UNC80: variants seen among roughly 807,000 people sequenced by gnomAD.
The protein encoded by UNC80 is unc-80 subunit of NALCN channel complex, also known as protein unc-80 homolog.
In UNC80, 164 loss-of-function variants were observed where a neutral mutation model predicts 384.6. That is an observed-to-expected ratio of 0.43 (90% CI 0.38 to 0.49). The LOEUF (loss-of-function observed/expected upper bound fraction) is 0.49, where lower values mean the gene tolerates loss of function less well. Ranked by LOEUF, UNC80 falls within the 20% of genes least tolerant of loss-of-function variation. The pLI, the probability that UNC80 is intolerant of heterozygous loss-of-function variation, is 0.00. For synonymous variants in UNC80, 1,486 were observed against 1,527.8 expected (o/e 0.97, Z 0.64); for missense variants, 3,330 against 4,143.0 (o/e 0.80, Z 5.39).
intron 15 of UNC80, 83 bp from the exon 16 acceptor site, chr2:209,831,360 C>T: frequency 1.4e-6 from 2 of 1,386,082 alleles, no homozygotes; most frequent in Non-Finnish European, 1.9e-6. Flanking sequence ...TCACTAATTC[C>T]TGGGTGCCAA....
intron 35 of UNC80, among the ~76,000 whole-genome samples, chr2:209,924,599 G>T (rs2090284234): frequency 6.6e-6 from 1 of 151,904 alleles, no homozygotes; most frequent in Admixed American, 6.6e-5. Flanking sequence ...CTGGGCATGT[G>T]CACAACCTTG....
In UNC80 at chr2:209,844,480, C is replaced by CTTT. The variant is rs1559185899; in HGVS notation, c.3454+2036_3454+2037insTTT. Reference sequence around the variant, plus strand: ...CTTTCTTTCTTTCTTTCTTTCTTTCCTTCCTTCCTTCCTTCCTTCCTTCCT... The same window carrying CTTT: ...CTTTCTTTCTTTCTTTCTTTCTTTCCTTTTTCCTTCCTTCCTTCCTTCCTTCCT... On this transcript the variant is annotated intron_variant, in intron 21 of 64. Coordinates refer to ENST00000673920, the MANE Select transcript of UNC80 (RefSeq NM_001371986.1). 1.6e-3 allele frequency among the ~76,000 whole-genome samples: 88 copies of CTTT among 54,054 alleles called. 3 individuals are homozygous for CTTT. The highest frequency in any genetic ancestry group is 6.6e-3 in the Admixed American group (34 of 5,164). 35.5% of individuals were successfully genotyped at this position (54,054 alleles called of 152,430 possible). A position where few individuals can be genotyped will look rare whatever the true frequency, so the allele number is the denominator to read the frequency against.
chr2:209,992,812 A>G (rs1297476321), intron 62 of UNC80, among the ~76,000 whole-genome samples: 1 of 152,240 alleles, frequency 6.6e-6, no homozygotes, highest in Non-Finnish European at 1.5e-5. Context: ...TGAAGTAAAG[A>G]TCATCTTTAG....
At chr2:209,812,249 A>G (rs1165302967) in intron 7 of UNC80, among the ~76,000 whole-genome samples, 2 of 147,032 alleles carry the variant, frequency 1.4e-5, no homozygotes, top group African/African-American at 5.1e-5. Flanking sequence ...TTTAGTAGAG[A>G]CGGGGTTTCA....
intron 8 of UNC80, 25 bp downstream of exon 8, chr2:209,813,866 A>G (rs756009614): frequency 1.9e-6 from 3 of 1,544,798 alleles, no homozygotes; most frequent in South Asian, 1.2e-5. Flanking sequence ...GTTCATTGTC[A>G]TTCAAACCAG....
chr2:209,959,292 A>C, intron 50 of UNC80, 138 bp downstream of exon 50: 1 of 1,231,388 alleles, frequency 8.1e-7, no homozygotes, highest in Non-Finnish European at 1.2e-6. Flanking sequence ...AAGTGGGTTT[A>C]CTACAGTTTG....
intron 22 of UNC80, among the ~76,000 whole-genome samples, chr2:209,851,050 A>T (rs1367328024): frequency 6.6e-6 from 1 of 152,178 alleles, no homozygotes; most frequent in Non-Finnish European, 1.5e-5. Context: ...ATGGAAAAGT[A>T]TATGAACAGC....
At chr2:209,953,156 G>A (rs1388899292) in intron 47 of UNC80, among the ~76,000 whole-genome samples, 1 of 152,120 alleles carries the variant, frequency 6.6e-6, no homozygotes, top group African/African-American at 2.4e-5. Flanking sequence ...GGTGGTTCAT[G>A]CCTGTAATCC....
intron 22 of UNC80, among the ~76,000 whole-genome samples, chr2:209,866,296 A>G (rs1032161129): frequency 2.6e-5 from 4 of 151,954 alleles, no homozygotes; most frequent in African/African-American, 9.7e-5. Context: ...AACTCTGGAT[A>G]ATTTTATCAG....
intron 42 of UNC80, 41 bp downstream of exon 42, chr2:209,937,671 T>A: frequency 7.0e-7 from 1 of 1,432,122 alleles, no homozygotes; most frequent in Non-Finnish European, 9.6e-7. Context: ...TTTTGTCATG[T>A]TGTTGGAGTA....
chr2:209,840,131 G>A (rs1175385639), intron 19 of UNC80, among the ~76,000 whole-genome samples: 1 of 152,202 alleles, frequency 6.6e-6, no homozygotes, highest in Non-Finnish European at 1.5e-5. Flanking sequence ...AAATCATACT[G>A]GAGGGAGCAT....
intron 13 of UNC80, among the ~76,000 whole-genome samples, chr2:209,824,613 G>A (rs1311576592): frequency 6.6e-6 from 1 of 152,128 alleles, no homozygotes; most frequent in Non-Finnish European, 1.5e-5. Context: ...ACTCATCTGA[G>A]GGCAGTGAGC....
intron 54 of UNC80, 40 bp downstream of exon 54, chr2:209,970,997 C>A: frequency 6.5e-7 from 1 of 1,533,902 alleles, no homozygotes; most frequent in South Asian, 1.2e-5. Flanking sequence ...CATTAAGTTG[C>A]TGGTTGAGGC....
At chr2:209,840,795 G>A (rs900494710) in intron 20 of UNC80, 147 bp downstream of exon 20, 5 of 646,246 alleles carry the variant, frequency 7.7e-6, no homozygotes, top group African/African-American at 1.8e-5. Flanking sequence ...ACTTAGATAA[G>A]CAATGGAAAC....
intron 59 of UNC80, among the ~76,000 whole-genome samples, chr2:209,980,893 T>C (rs1226996020): frequency 6.6e-6 from 1 of 152,218 alleles, no homozygotes; most frequent in Non-Finnish European, 1.5e-5. Context: ...AAGGGCTCTG[T>C]AGAAATAGCT....
At chr2:209,941,188 T>C in intron 43 of UNC80, 33 bp from the exon 44 acceptor site, 1 of 1,479,638 alleles carries the variant, frequency 6.8e-7, no homozygotes, top group Non-Finnish European at 9.1e-7. Flanking sequence ...GGTGTGGGGC[T>C]AATTCTGTCT....
chr2:209,850,473 T>A (rs982327314), intron 22 of UNC80, among the ~76,000 whole-genome samples: 1 of 152,124 alleles, frequency 6.6e-6, no homozygotes, highest in Admixed American at 6.6e-5. Flanking sequence ...CATGAATAAG[T>A]GACCAGTGGT....
rs950182633 is a variant in UNC80 at position 209,995,917 on chromosome 2, T to A, written c.*322T>A. The A allele has an allele frequency of 1.0e-5, 2 of 197,852 alleles. No homozygotes were observed. Among genetic ancestry groups the A allele is most frequent in the African/African-American group, 4.7e-5 (2 of 42,704 alleles). The allele number at this position is 197,852 out of a possible 1,614,324, so 12.3% of individuals were successfully genotyped here. On this transcript the variant is annotated 3_prime_UTR_variant, in exon 65 of 65. Coordinates refer to ENST00000673920, the MANE Select transcript of UNC80 (RefSeq NM_001371986.1). Reference sequence around the variant, plus strand: ...TATATACTATTCATTGCTGCTTTCATAGAAATATTAACAAATGATATGATC... The same window carrying A: ...TATATACTATTCATTGCTGCTTTCAAAGAAATATTAACAAATGATATGATC...
At chr2:209,965,303 G>T (rs1379985638) in intron 51 of UNC80, among the ~76,000 whole-genome samples, 1 of 152,060 alleles carries the variant, frequency 6.6e-6, no homozygotes, top group Non-Finnish European at 1.5e-5. Flanking sequence ...CGGGCATGGG[G>T]CTGTGCACCT....
Sources: allele counts gnomAD v4.1 joint callset (sites outside exome capture counted in the v4.1 genomes callset), GRCh38; gene constraint gnomAD v4.1.1; transcripts MANE v1.5; gene names NCBI Gene and HGNC (gene_info 2026-07-23, HGNC 2026-07-21).